Variants in SLIT3 observed in about 807,000 individuals in gnomAD.
SLIT3 encodes the protein slit homolog 3 protein.
SLIT3 carries 68 observed loss-of-function variants against 184.0 expected under a neutral mutation model. The observed-to-expected ratio is 0.37, with a 90% CI of 0.30 to 0.45. The LOEUF (loss-of-function observed/expected upper bound fraction) is 0.45, where lower values mean the gene tolerates loss of function less well. SLIT3 is among the 20% of genes least tolerant of loss of function. The probability of loss-of-function intolerance (pLI) is 1.00; values close to 1 mark genes in which losing one functional copy is unlikely to be tolerated. For missense variants in SLIT3, 1,707 were observed against 2,026.0 expected (o/e 0.84, Z 3.02); for synonymous variants, 831 against 828.6 (o/e 1.00, Z -0.05).
chr5:169,091,122 A>G lies in SLIT3; in HGVS notation c.413+102357T>C, dbSNP rs551364208. ...TGTGACGGGTATATAATGGATGACA[A>G]ATAAATATTAACTTGACTTTAGGTT... On this transcript the variant is annotated intron_variant, in intron 4 of 35. Transcript: ENST00000519560. 1.1e-4 allele frequency among the ~76,000 whole-genome samples: 16 copies of G among 152,336 alleles called. No homozygotes were observed. In the South Asian group the frequency reaches 3.1e-3, roughly 30 times the overall value.
chr5:168,878,174 T>C (rs1759809391), intron 5 of SLIT3, among the ~76,000 whole-genome samples: 3 of 152,200 alleles, frequency 2.0e-5, no homozygotes, highest in Admixed American at 1.3e-4. Context: ...TCTCTTTAAA[T>C]ACAGCACCTT....
chr5:169,290,788 A>G (rs1409170683), intron 1 of SLIT3, among the ~76,000 whole-genome samples: 1 of 150,698 alleles, frequency 6.6e-6, no homozygotes, highest in Non-Finnish European at 1.5e-5. Flanking sequence ...CCACTAGGGC[A>G]CACGCTAGGG....
chr5:169,169,908 C>T (rs1240445803), intron 4 of SLIT3, among the ~76,000 whole-genome samples: 1 of 152,230 alleles, frequency 6.6e-6, no homozygotes, highest in African/African-American at 2.4e-5. Flanking sequence ...ATGCCAGAGG[C>T]TGCAGGGACT....
chr5:168,856,757 T>C (rs992513411), intron 5 of SLIT3, among the ~76,000 whole-genome samples: 1 of 148,878 alleles, frequency 6.7e-6, no homozygotes, highest in East Asian at 2.0e-4. Context: ...TTTCAGAAGC[T>C]GAGTTCCTCG....
At chr5:168,909,419 T>C (rs977146996) in intron 4 of SLIT3, among the ~76,000 whole-genome samples, 1 of 152,228 alleles carries the variant, frequency 6.6e-6, no homozygotes, top group Non-Finnish European at 1.5e-5. Flanking sequence ...GCGCAAAGCT[T>C]AGTGGCAGCC....
intron 4 of SLIT3, among the ~76,000 whole-genome samples, chr5:169,104,387 C>A (rs1760127754): frequency 1.3e-5 from 2 of 152,194 alleles, no homozygotes; most frequent in African/African-American, 4.8e-5. Context: ...TCACATTTTC[C>A]AATTTCCTCT....
chr5:168,854,542 A>G (rs1236000953), intron 5 of SLIT3, among the ~76,000 whole-genome samples: 1 of 152,244 alleles, frequency 6.6e-6, no homozygotes, highest in Non-Finnish European at 1.5e-5. Context: ...CAGATCACCT[A>G]GTAGGATCCA....
intron 4 of SLIT3, among the ~76,000 whole-genome samples, chr5:169,116,421 C>G (rs893274180): frequency 3.9e-5 from 6 of 152,018 alleles, no homozygotes; most frequent in Admixed American, 2.6e-4. Flanking sequence ...CAATAGGGAG[C>G]CTTTAAACAT....
chr5:168,975,589 T>C (rs1371496196), intron 4 of SLIT3, among the ~76,000 whole-genome samples: 1 of 152,062 alleles, frequency 6.6e-6, no homozygotes, highest in African/African-American at 2.4e-5. Context: ...ACCCACAGGA[T>C]GCAGGCTCAC....
intron 4 of SLIT3, among the ~76,000 whole-genome samples, chr5:169,187,559 CTTT>C (rs869169684): frequency 1.1e-3 from 61 of 55,754 alleles, no homozygotes; most frequent in African/African-American, 4.6e-3. Flanking sequence ...TTCTTTCTTT[CTTT>C]TTTTTTTTTT....
chr5:169,006,578 TTCTCTCTCTCTCTCTC>T (rs369079733), intron 4 of SLIT3, among the ~76,000 whole-genome samples: 1 of 140,118 alleles, frequency 7.1e-6, no homozygotes, highest in Non-Finnish European at 1.5e-5. Flanking sequence ...TTTCCCCCTC[TTCTCTCTCTCTCTCTC>T]TCTCTCTCTC....
intron 4 of SLIT3, among the ~76,000 whole-genome samples, chr5:168,982,899 G>A (rs1276345262): frequency 2.0e-5 from 3 of 152,146 alleles, no homozygotes; most frequent in Non-Finnish European, 4.4e-5. Context: ...ATTTTATGCC[G>A]AGGGACTCCT....
chr5:168,708,393 T>C (rs1762441608), intron 25 of SLIT3: 1 of 476,858 alleles, frequency 2.1e-6, no homozygotes, highest in South Asian at 2.4e-5. Flanking sequence ...CTGCAAACAA[T>C]GCACCATAAT....
chr5:169,266,818 T>C (rs1766411730), intron 1 of SLIT3, among the ~76,000 whole-genome samples: 1 of 152,206 alleles, frequency 6.6e-6, no homozygotes, highest in Admixed American at 6.5e-5. Flanking sequence ...GAGCATGACT[T>C]TGTAAAATTT....
At chr5:168,732,156 C>A (rs191091267) in intron 20 of SLIT3, among the ~76,000 whole-genome samples, 10 of 152,132 alleles carry the variant, frequency 6.6e-5, no homozygotes, top group Middle Eastern at 3.4e-3. Context: ...CAATAACTAT[C>A]TAGTCAAGGA....
chr5:169,284,154 A>G (rs1014666975), intron 1 of SLIT3, among the ~76,000 whole-genome samples: 1 of 152,268 alleles, frequency 6.6e-6, no homozygotes, highest in Non-Finnish European at 1.5e-5. Context: ...AGCAAGGGAC[A>G]GGATCTATCC....
chr5:169,014,908 G>T (rs1011896648), intron 4 of SLIT3, among the ~76,000 whole-genome samples: 1 of 152,174 alleles, frequency 6.6e-6, no homozygotes, highest in South Asian at 2.1e-4. Flanking sequence ...CTGATATCAT[G>T]CCACTGCATT....
intron 4 of SLIT3, among the ~76,000 whole-genome samples, chr5:168,914,626 CA>C (rs1329130595): frequency 3.9e-5 from 6 of 152,196 alleles, no homozygotes; most frequent in Non-Finnish European, 8.8e-5. Flanking sequence ...CACCATCAGC[CA>C]GTCCCTTCTC....
chr5:168,797,218 A>C (rs1163263079), intron 9 of SLIT3, among the ~76,000 whole-genome samples: 1 of 152,108 alleles, frequency 6.6e-6, no homozygotes, highest in Non-Finnish European at 1.5e-5. Context: ...TTGCCTGAGA[A>C]GTTCCAAGGA....
Sources: allele counts gnomAD v4.1 joint callset (sites outside exome capture counted in the v4.1 genomes callset), GRCh38; gene constraint gnomAD v4.1.1; transcripts MANE v1.5; gene names NCBI Gene and HGNC (gene_info 2026-07-23, HGNC 2026-07-21).